The following SPAG17 variants were observed in gnomAD, a reference collection of about 807,000 sequenced individuals.
SPAG17 encodes sperm associated antigen 17, also known as sperm-associated antigen 17.
A neutral mutation model predicts 273.6 loss-of-function variants in SPAG17; 169 were observed. The ratio of observed to expected loss-of-function variants is 0.62; its 90% confidence interval spans 0.55 to 0.70. The LOEUF (loss-of-function observed/expected upper bound fraction) is 0.70. SPAG17 is among the 30% of genes least tolerant of loss of function. SPAG17 has a pLI of 0.00. For missense variants in SPAG17, 2,557 were observed against 2,627.8 expected (o/e 0.97, Z 0.59); for synonymous variants, 825 against 873.2 (o/e 0.94, Z 0.97).
intron 21 of SPAG17, 141 bp from the exon 22 acceptor site, chr1:118,040,982 T>A (rs1008031415): frequency 4.6e-6 from 3 of 657,516 alleles, no homozygotes; most frequent in African/African-American, 3.7e-5. Flanking sequence ...CAGAGGCCAG[T>A]GTTCATATTA....
Position 118,101,753 on chromosome 1 carries a change from G to C in SPAG17, c.621C>G (p.Thr207=). The change falls in exon 5 of 49, where the codon ACC becomes ACG. Residue 207 remains threonine, a synonymous_variant. Transcript: ENST00000336338. Reference sequence around the variant, plus strand: ...CACCTTACTGACCAATGTAACGATTGGTGTGGTCGTCTTCTCCTCTCCGCT... The same window carrying C: ...CACCTTACTGACCAATGTAACGATTCGTGTGGTCGTCTTCTCCTCTCCGCT... The part of the protein sequence containing the change: ...QLKRRGEDDH[T]NRYIDDEPDD... 1 of 1,613,168 alleles carries C rather than the reference G, an allele frequency of 6.2e-7. No homozygotes were observed.
chr1:118,130,142 G>C (rs1442395006), intron 3 of SPAG17, among the ~76,000 whole-genome samples: 5 of 152,084 alleles, frequency 3.3e-5, no homozygotes, highest in Non-Finnish European at 5.9e-5. Flanking sequence ...TTGTTAGTTA[G>C]CTCTAGGAGG....
intron 23 of SPAG17, 21 bp from the exon 24 acceptor site, chr1:118,036,904 A>G (rs1422398948): frequency 1.3e-6 from 2 of 1,484,378 alleles, no homozygotes; most frequent in Admixed American, 2.0e-5. Context: ...AAATCGAATC[A>G]AGAACATTTT....
intron 3 of SPAG17, among the ~76,000 whole-genome samples, chr1:118,128,605 T>C (rs1436922535): frequency 6.6e-6 from 1 of 152,174 alleles, no homozygotes; most frequent in Non-Finnish European, 1.5e-5. Context: ...CTGCTTTCAG[T>C]CTGAGACTAG....
At chr1:118,046,956 T>C (rs1650427652) in intron 20 of SPAG17, among the ~76,000 whole-genome samples, 2 of 152,170 alleles carry the variant, frequency 1.3e-5, no homozygotes, top group African/African-American at 4.8e-5. Context: ...AAACATGTCA[T>C]TAATCAGAAT....
At chr1:118,059,351 T>G (rs770145406) in intron 18 of SPAG17, among the ~76,000 whole-genome samples, 8 of 152,118 alleles carry the variant, frequency 5.3e-5, no homozygotes, top group Non-Finnish European at 1.0e-4. Flanking sequence ...CAGTAATCCA[T>G]TTTTTGAATT....
At position 118,112,841 on chromosome 1, in the gene SPAG17, T is replaced by C. The variant is rs148708964; in HGVS notation, c.447+2469A>G. 4.3e-3 allele frequency among the ~76,000 whole-genome samples: 649 copies of C among 152,212 alleles called. 4 individuals carry two copies. Among genetic ancestry groups the C allele is most frequent in the African/African-American group, 0.015 (618 of 41,564 alleles). On this transcript the variant is annotated intron_variant, in intron 4 of 48. Transcript: ENST00000336338. ...CAGAAAGCAAAAGCAATGTTAACCA[T>C]AGCCCAGTTTAAAATGTTATTAAAA...
At chr1:118,111,251 T>C (rs1207397855) in intron 4 of SPAG17, among the ~76,000 whole-genome samples, 4 of 152,174 alleles carry the variant, frequency 2.6e-5, no homozygotes, top group African/African-American at 9.7e-5. Flanking sequence ...CTCTATTTTA[T>C]GGATAAGCCA....
chr1:118,006,937 T>C (rs1416322688), intron 31 of SPAG17, among the ~76,000 whole-genome samples: 1 of 152,242 alleles, frequency 6.6e-6, no homozygotes, highest in Non-Finnish European at 1.5e-5. Context: ...TTGCTCATTT[T>C]AAAGTGGGTT....
chr1:118,113,034 C>T (rs1157271017), intron 4 of SPAG17, among the ~76,000 whole-genome samples: 1 of 152,066 alleles, frequency 6.6e-6, no homozygotes, highest in East Asian at 1.9e-4. Context: ...TTTGCCCTCA[C>T]TTTCACCCAA....
chr1:118,147,561 C>T (rs1659085388), intron 3 of SPAG17, among the ~76,000 whole-genome samples: 1 of 152,142 alleles, frequency 6.6e-6, no homozygotes, highest in African/African-American at 2.4e-5. Context: ...TGTGAATGAA[C>T]AAATGAGCTG....
chr1:118,034,618 T>C (rs929466112), intron 24 of SPAG17, among the ~76,000 whole-genome samples: 2 of 152,140 alleles, frequency 1.3e-5, no homozygotes, highest in African/African-American at 4.8e-5. Flanking sequence ...GTGGTGCACA[T>C]GTCAGGAGAA....
intron 3 of SPAG17, among the ~76,000 whole-genome samples, chr1:118,121,187 G>T (rs1021047886): frequency 1.3e-5 from 2 of 152,126 alleles, no homozygotes; most frequent in African/African-American, 4.8e-5. Flanking sequence ...TCCAGCCAGG[G>T]TCAGAGGAGG....
intron 3 of SPAG17, among the ~76,000 whole-genome samples, chr1:118,123,162 G>T (rs565408610): frequency 1.9e-3 from 289 of 152,280 alleles, no homozygotes; most frequent in African/African-American, 6.7e-3. Context: ...TAATTTTACA[G>T]CCTCCTTTCC....
rs1654539757 is a variant in SPAG17 at position 118,081,220 on chromosome 1, C to T, written c.2090G>A (p.Cys697Tyr). Reference sequence around the variant, plus strand: ...AGAATGCTTCATATTGTTAGCATCACACTGACTAGGATCTGAAGGTTCTCG... The same window carrying T: ...AGAATGCTTCATATTGTTAGCATCATACTGACTAGGATCTGAAGGTTCTCG... ...SNREPSDPSQ[C>Y]DANNMKHSDL... is the part of the protein sequence containing the mutation. Residue 697 changes from cysteine to tyrosine, a missense_variant, in exon 15 of 49, where the codon TGT (cysteine) becomes TAT (tyrosine). Physicochemically the swap from Cys to Tyr is radical, Grantham distance 194. Transcript: ENST00000336338. 1.2e-6 allele frequency: 2 copies of T among 1,613,904 alleles called. No homozygotes were observed. The highest frequency in any genetic ancestry group is 1.3e-5 in the African/African-American group (1 of 74,906).
intron 18 of SPAG17, among the ~76,000 whole-genome samples, chr1:118,060,281 A>C (rs1652142100): frequency 5.3e-5 from 8 of 152,010 alleles, no homozygotes; most frequent in Admixed American, 5.2e-4. Context: ...CTTTGATTTT[A>C]CACAAAACAC....
At chr1:118,177,277 C>A (rs995507548) in intron 1 of SPAG17, among the ~76,000 whole-genome samples, 2 of 152,142 alleles carry the variant, frequency 1.3e-5, no homozygotes, top group African/African-American at 4.8e-5. Flanking sequence ...AGCAAAGGCA[C>A]ATCTTACATG....
intron 40 of SPAG17, among the ~76,000 whole-genome samples, chr1:117,987,392 T>C (rs1656541647): frequency 6.6e-6 from 1 of 152,180 alleles, no homozygotes; most frequent in Non-Finnish European, 1.5e-5. Context: ...TACTGCTACA[T>C]AGTCAACAAA....
chr1:118,125,617 C>A (rs373422148), intron 3 of SPAG17, among the ~76,000 whole-genome samples: 1 of 152,164 alleles, frequency 6.6e-6, no homozygotes, highest in African/African-American at 2.4e-5. Flanking sequence ...TGAGTAAGAA[C>A]ATGTGGTATT....
Sources: gnomAD v4.1 joint callset for allele counts (sites outside exome capture counted in the v4.1 genomes callset) on GRCh38, gnomAD v4.1.1 for gene constraint, MANE v1.5 for transcripts, NCBI Gene and HGNC (gene_info 2026-07-23, HGNC 2026-07-21) for gene names.